The following PIGX variants were observed in gnomAD, a reference collection of about 807,000 sequenced individuals.
The protein encoded by PIGX is GPI alpha-1,4-mannosyltransferase I, stabilizing subunit.
PIGX carries 24 observed loss-of-function variants against 28.7 expected under a neutral mutation model. That is an observed-to-expected ratio of 0.84 (90% CI 0.60 to 1.17). The LOEUF (loss-of-function observed/expected upper bound fraction) is 1.17, where lower values mean the gene tolerates loss of function less well. Among genes scored for constraint, PIGX ranks in the 50% most tolerant of loss-of-function variants. The pLI, the probability that PIGX is intolerant of heterozygous loss-of-function variation, is 0.00. For missense variants in PIGX, 305 were observed against 317.8 expected (o/e 0.96, Z 0.31); for synonymous variants, 127 against 121.0 (o/e 1.05, Z -0.33).
At chr3:196,729,318 G>C (rs1275434806) in intron 4 of PIGX, among the ~76,000 whole-genome samples, 1 of 147,480 alleles carries the variant, frequency 6.8e-6, no homozygotes. Flanking sequence ...GGGTGACAGA[G>C]CGAGACTGCG....
chr3:196,722,377 G>T (rs749759646), intron 2 of PIGX, 38 bp from the exon 3 acceptor site: 16 of 1,488,742 alleles, frequency 1.1e-5, no homozygotes, highest in African/African-American at 1.4e-5. Context: ...TTTAACAGTT[G>T]AATGAAGAGA....
chr3:196,728,846 C>T, intron 4 of PIGX: 1 of 732,796 alleles, frequency 1.4e-6, no homozygotes, highest in Non-Finnish European at 2.5e-6. Context: ...CACATTACCC[C>T]TCTGTTGCTT....
chr3:196,712,913 G>A, intron 1 of PIGX: 1 of 1,037,764 alleles, frequency 9.6e-7, no homozygotes, highest in Non-Finnish European at 1.2e-6. Context: ...GAGAAGGAAA[G>A]TCAGCCGTCA....
chr3:196,712,714 G>T, intron 1 of PIGX, 70 bp downstream of exon 1: 6 of 1,139,204 alleles, frequency 5.3e-6, no homozygotes, highest in Non-Finnish European at 6.5e-6. Context: ...TCGGCGGGTT[G>T]CGGGGATGTG....
rs570172021 is a variant in PIGX, at chr3:196,720,383, T to C, written c.177-2032T>C. On this transcript the variant is annotated intron_variant, in intron 2 of 5. Transcript: ENST00000392391. ...TTTTAGGGTATGTGAGAATTTCCCT[T>C]CTTTTTAAAGCTGAGTAATATTCCA... Among the ~76,000 whole-genome samples the C allele has an allele frequency of 5.9e-5, 9 of 152,368 alleles. No homozygotes were observed. The East Asian group carries it at 1.7e-3, about 29-fold the overall frequency.
chr3:196,729,944 C>G (rs1712680314), intron 4 of PIGX, among the ~76,000 whole-genome samples: 1 of 151,514 alleles, frequency 6.6e-6, no homozygotes, highest in Admixed American at 6.6e-5. Context: ...GTGGTATGCA[C>G]CTGCAATCCC....
chr3:196,721,232 C>T (rs9864896), intron 2 of PIGX: 117,936 of 336,904 alleles, frequency 0.35, 21,405 homozygotes, highest in East Asian at 0.54. Flanking sequence ...GCCATGGAGG[C>T]GGTTCCTTTT....
rs746349162 is a variant in PIGX, at chr3:196,723,079, C to T, written c.318+523C>T. ...ACTGAGGGCTGGGTGCAGCGTCTTA[C>T]GCTTGTAATCCCAGCACTTTGGGAG... On this transcript the variant is annotated intron_variant, in intron 3 of 5. Coordinates refer to ENST00000392391, the MANE Select transcript of PIGX (RefSeq NM_017861.4). Among the ~76,000 whole-genome samples, 9 of 152,122 alleles carry T rather than the reference C, an allele frequency of 5.9e-5. No homozygotes were observed. In the South Asian group the frequency reaches 6.2e-4, roughly 11 times the overall value.
rs904376612 is a variant in PIGX, at chr3:196,732,835, C to T, written c.634-924C>T. Among the ~76,000 whole-genome samples, 276 of 152,246 alleles carry T rather than the reference C, an allele frequency of 1.8e-3. 1 individual carries two copies. Among genetic ancestry groups the T allele is most frequent in the Non-Finnish European group, 3.2e-3 (220 of 68,020 alleles). On this transcript the variant is annotated intron_variant, in intron 5 of 5. Coordinates refer to ENST00000392391, the MANE Select transcript of PIGX (RefSeq NM_017861.4). ...TTAAAACTTATTTTTAAAGTATAAA[C>T]TTTCCCAGTGTTTTTCATTGAACTT...
intron 2 of PIGX, among the ~76,000 whole-genome samples, chr3:196,717,304 A>AAAAAAAAAAAAAAAAAAG (rs1712140420): frequency 6.6e-6 from 1 of 151,512 alleles, no homozygotes; most frequent in South Asian, 2.1e-4. Flanking sequence ...CTGTCTCAAA[A>AAAAAAAAAAAAAAAAAAG]AAAGAAAAAA....
At chr3:196,718,568 C>G (rs1357640283) in intron 2 of PIGX, among the ~76,000 whole-genome samples, 1 of 152,082 alleles carries the variant, frequency 6.6e-6, no homozygotes, top group East Asian at 1.9e-4. Flanking sequence ...AGTGAACGTA[C>G]TCCTTGGTCA....
At chr3:196,730,053 G>A (rs151087304) in intron 4 of PIGX, among the ~76,000 whole-genome samples, 20 of 147,568 alleles carry the variant, frequency 1.4e-4, no homozygotes, top group African/African-American at 5.0e-4. Context: ...CTGGGAGACA[G>A]AGCAAGACTG....
At chr3:196,722,609 G>A in intron 3 of PIGX, 53 bp downstream of exon 3, 1 of 1,491,986 alleles carries the variant, frequency 6.7e-7, no homozygotes, top group South Asian at 1.2e-5. Context: ...GGGTGCTGTA[G>A]TTTGGATTAA....
At position 196,735,293 on chromosome 3, in the gene PIGX, T is replaced by C. The variant is rs1712961144; in HGVS notation, c.*1391T>C. On this transcript the variant is annotated 3_prime_UTR_variant, in exon 6 of 6. Transcript: ENST00000392391. ...CTGGGCGACAGAGTGAGACTCTGTC[T>C]CAAAAAAAAAAAAAAAAAAAAAAAA... 1.1e-4 allele frequency: 1 copy of C among 9,114 alleles called. No individual in the cohort carries two copies. Among genetic ancestry groups the C allele is most frequent in the Non-Finnish European group, 1.8e-4 (1 of 5,424 alleles). 0.6% of individuals were successfully genotyped at this position (9,114 alleles called of 1,614,324 possible).
In PIGX at chr3:196,732,253, TATATTTTATTTTATTTTA is replaced by T. The variant is rs1560080705; in HGVS notation, c.633+1162_633+1179del. 1.7e-3 allele frequency among the ~76,000 whole-genome samples: 54 copies of T among 32,258 alleles called. 1 individual carries two copies. Among genetic ancestry groups the T allele is most frequent in the African/African-American group, 8.3e-3 (52 of 6,302 alleles). The allele number at this position is 32,258 out of a possible 152,430, so 21.2% of individuals were successfully genotyped here. A position where few individuals can be genotyped will look rare whatever the true frequency, so the allele number is the denominator to read the frequency against. ...ATATATATATATATATATATATATA[TATATTTTATTTTATTTTA>T]TTTTTTTTTTTATTTTATTTTTTTT... On this transcript the variant is annotated intron_variant, in intron 5 of 5. Transcript: ENST00000392391.
At chr3:196,723,279 T>C (rs1712396769) in intron 3 of PIGX, among the ~76,000 whole-genome samples, 1 of 152,168 alleles carries the variant, frequency 6.6e-6, no homozygotes, top group African/African-American at 2.4e-5. Flanking sequence ...AGGCGGAGGT[T>C]GCAGTGAGCC....
Position 196,728,817 on chromosome 3 carries a change from C to G in PIGX, c.532+681C>G, listed in dbSNP as rs192433466. On this transcript the variant is annotated intron_variant, in intron 4 of 5. Coordinates refer to ENST00000392391, the MANE Select transcript of PIGX (RefSeq NM_017861.4). ...ATTAGTAGGCATGTACTATGTGTTT[C>G]TTTTTGCAGCCATTGGTCCACATTA... 12 of 762,294 alleles carry G rather than the reference C, an allele frequency of 1.6e-5. No individual in the cohort carries two copies. The East Asian group carries it at 2.9e-4, about 19-fold the overall frequency. 47.2% of individuals were successfully genotyped at this position (762,294 alleles called of 1,614,324 possible).
chr3:196,729,056 G>A (rs1328572376), intron 4 of PIGX, among the ~76,000 whole-genome samples: 4 of 152,044 alleles, frequency 2.6e-5, no homozygotes, highest in Non-Finnish European at 4.4e-5. Context: ...TTTTGCTGCC[G>A]GGCGAGGTGG....
At chr3:196,732,287 TA>T (rs1215338868) in intron 5 of PIGX, among the ~76,000 whole-genome samples, 5,421 of 79,534 alleles carry the variant, frequency 0.068, 370 homozygotes, top group Non-Finnish European at 0.08. Context: ...TTTTTTATTT[TA>T]TTTTTTTTTT....
Sources: allele counts gnomAD v4.1 joint callset (sites outside exome capture counted in the v4.1 genomes callset), GRCh38; gene constraint gnomAD v4.1.1; transcripts MANE v1.5; gene names NCBI Gene and HGNC (gene_info 2026-07-23, HGNC 2026-07-21).